LINGO2: variants seen among roughly 807,000 people sequenced by gnomAD.
LINGO2 encodes leucine-rich repeat and immunoglobulin-like domain-containing nogo receptor-interacting protein 2.
In LINGO2, 14 loss-of-function variants were observed where a neutral mutation model predicts 30.6. The observed-to-expected ratio is 0.46, with a 90% confidence interval of 0.30 to 0.72. The LOEUF (loss-of-function observed/expected upper bound fraction) is 0.72. Among genes scored for constraint, LINGO2 ranks in the 30% least tolerant of loss-of-function variants. The probability of loss-of-function intolerance (pLI) is 0.07; values close to 1 mark genes in which losing one functional copy is unlikely to be tolerated. For missense variants in LINGO2, 729 were observed against 751.7 expected, an observed-to-expected ratio of 0.97 and a Z score of 0.35; for synonymous variants, 317 against 288.5, an observed-to-expected ratio of 1.10 and a Z score of -1.00.
At chr9:27,996,757 C>A (rs369905597) in intron 5 of LINGO2, among the ~76,000 whole-genome samples, 1 of 152,136 alleles carries the variant, frequency 6.6e-6, no homozygotes, top group African/African-American at 2.4e-5. Flanking sequence ...AGAAGATTTG[C>A]AACATTCCAC....
chr9:28,519,257 A>G (rs1463902695), intron 1 of LINGO2, among the ~76,000 whole-genome samples: 1 of 152,068 alleles, frequency 6.6e-6, no homozygotes, highest in Admixed American at 6.6e-5. Flanking sequence ...GTTGGTCTCA[A>G]ACTCCTGGGC....
At chr9:28,442,446 G>T (rs1296757948) in intron 2 of LINGO2, among the ~76,000 whole-genome samples, 1 of 152,032 alleles carries the variant, frequency 6.6e-6, no homozygotes, top group Non-Finnish European at 1.5e-5. Flanking sequence ...CCATGTAAAT[G>T]TGTACAATTA....
chr9:27,964,473 G>A (rs1297176239), intron 5 of LINGO2, among the ~76,000 whole-genome samples: 1 of 152,060 alleles, frequency 6.6e-6, no homozygotes. Context: ...GACAATGTGA[G>A]ATTCTATCTG....
At chr9:28,507,866 A>G (rs1239493068) in intron 1 of LINGO2, among the ~76,000 whole-genome samples, 1 of 151,756 alleles carries the variant, frequency 6.6e-6, no homozygotes, top group Non-Finnish European at 1.5e-5. Context: ...GTAGGTTTTG[A>G]TTTTTTTTCT....
chr9:28,561,316 C>A (rs1823045652), intron 1 of LINGO2, among the ~76,000 whole-genome samples: 1 of 151,744 alleles, frequency 6.6e-6, no homozygotes, highest in Non-Finnish European at 1.5e-5. Flanking sequence ...TATTCAGAGT[C>A]ATTTTCAAAG....
chr9:28,623,490 C>T (rs12004604), intron 1 of LINGO2, among the ~76,000 whole-genome samples: 4,222 of 151,824 alleles, frequency 0.028, 127 homozygotes, highest in African/African-American at 0.069. Flanking sequence ...TTGTCAAATA[C>T]GAGTTCACTT....
At chr9:28,317,924 A>G (rs1824902936) in intron 3 of LINGO2, among the ~76,000 whole-genome samples, 1 of 152,150 alleles carries the variant, frequency 6.6e-6, no homozygotes, top group South Asian at 2.1e-4. Flanking sequence ...TAAGCATAAC[A>G]CAACAAAAAG....
At chr9:28,575,846 A>G (rs1405470458) in intron 1 of LINGO2, among the ~76,000 whole-genome samples, 1 of 151,998 alleles carries the variant, frequency 6.6e-6, no homozygotes, top group African/African-American at 2.4e-5. Flanking sequence ...ATTTGGATGA[A>G]GCATTTTGTA....
intron 4 of LINGO2, among the ~76,000 whole-genome samples, chr9:28,233,532 A>G (rs1821448365): frequency 6.6e-6 from 1 of 152,122 alleles, no homozygotes; most frequent in Non-Finnish European, 1.5e-5. Flanking sequence ...ATAAAATTAT[A>G]TTTATCGTTA....
intron 5 of LINGO2, among the ~76,000 whole-genome samples, chr9:27,997,260 C>CTTAA (rs1431259110): frequency 6.6e-6 from 1 of 152,198 alleles, no homozygotes; most frequent in Non-Finnish European, 1.5e-5. Flanking sequence ...ATGTGAAAGA[C>CTTAA]TTAAGATGTG....
chr9:29,160,871 C>T, the LINGO2 span, among the ~76,000 whole-genome samples: 2 of 152,348 alleles, frequency 1.3e-5, no homozygotes, highest in Middle Eastern at 3.4e-3. Flanking sequence ...CAGGCGCATA[C>T]TCCACTTGTT....
At chr9:28,484,988 G>T (rs1826116154) in intron 1 of LINGO2, among the ~76,000 whole-genome samples, 1 of 152,034 alleles carries the variant, frequency 6.6e-6, no homozygotes, top group Non-Finnish European at 1.5e-5. Context: ...CCCTCAAACA[G>T]CTCAGTAAAC....
At chr9:29,193,321 G>A in the LINGO2 span, among the ~76,000 whole-genome samples, 5 of 151,774 alleles carry the variant, frequency 3.3e-5, no homozygotes, top group African/African-American at 4.8e-5. Flanking sequence ...CTTACCATTC[G>A]GCCTCAAATC....
intron 4 of LINGO2, among the ~76,000 whole-genome samples, chr9:28,060,684 T>C (rs1201032633): frequency 6.6e-6 from 1 of 152,134 alleles, no homozygotes; most frequent in Non-Finnish European, 1.5e-5. Flanking sequence ...CTTTCTTAAA[T>C]GTAAGTGCAA....
chr9:28,023,793 T>G (rs533282432), intron 4 of LINGO2, among the ~76,000 whole-genome samples: 1 of 152,294 alleles, frequency 6.6e-6, no homozygotes, highest in Admixed American at 6.5e-5. Flanking sequence ...GAGAACCTGG[T>G]GACTTTCCTA....
intron 1 of LINGO2, among the ~76,000 whole-genome samples, chr9:28,603,241 A>AT (rs1169463597): frequency 6.6e-6 from 1 of 152,062 alleles, no homozygotes; most frequent in Non-Finnish European, 1.5e-5. Flanking sequence ...AATGACTTGT[A>AT]TTTTAAATAA....
chr9:28,062,850 T>C (rs1230210928), intron 4 of LINGO2, among the ~76,000 whole-genome samples: 6 of 151,836 alleles, frequency 4.0e-5, no homozygotes, highest in Non-Finnish European at 8.8e-5. Flanking sequence ...CATCAATTAC[T>C]CCAAAAATTC....
chr9:29,165,878 T>C, the LINGO2 span, among the ~76,000 whole-genome samples: 1 of 152,100 alleles, frequency 6.6e-6, no homozygotes, highest in Non-Finnish European at 1.5e-5. Context: ...TTCACAAGAA[T>C]CCATCAAGGT....
the LINGO2 span, among the ~76,000 whole-genome samples, chr9:29,062,528 C>T: frequency 6.6e-6 from 1 of 152,076 alleles, no homozygotes; most frequent in South Asian, 2.1e-4. Flanking sequence ...GAAATCCTGA[C>T]ATGTGGCAAC....
Sources: allele counts gnomAD v4.1 joint callset (sites outside exome capture counted in the v4.1 genomes callset), GRCh38; gene constraint gnomAD v4.1.1; transcripts MANE v1.5; gene names NCBI Gene and HGNC (gene_info 2026-07-23, HGNC 2026-07-21).